PRMT9: variants seen among roughly 807,000 people sequenced by gnomAD.
The protein encoded by PRMT9 is protein arginine methyltransferase 9, also known as protein arginine N-methyltransferase 9.
A neutral mutation model predicts 83.2 loss-of-function variants in PRMT9; 59 were observed. That is an observed-to-expected ratio of 0.71 (90% CI 0.57 to 0.88). The LOEUF (loss-of-function observed/expected upper bound fraction) is 0.88. Ranked by LOEUF, PRMT9 falls within the 40% of genes least tolerant of loss-of-function variation. The pLI, the probability that PRMT9 is intolerant of heterozygous loss-of-function variation, is 0.00. For missense variants in PRMT9, 947 were observed against 1,021.9 expected (o/e 0.93, Z 1.00); for synonymous variants, 333 against 353.2 (o/e 0.94, Z 0.64).
chr4:147,683,810 G>T lies in PRMT9; in HGVS notation c.178C>A (p.His60Asn), dbSNP rs768340656. The T allele has an allele frequency of 6.3e-7, 1 of 1,593,806 alleles. No individual in the cohort carries two copies. Among genetic ancestry groups the T allele is most frequent in the Non-Finnish European group, 8.5e-7 (1 of 1,170,166 alleles). The change falls in exon 1 of 12, where the codon CAC becomes AAC. Residue 60 changes from histidine to asparagine, a missense_variant. By Grantham distance (68) the His-to-Asn change is moderately conservative. Coordinates refer to ENST00000322396, the MANE Select transcript of PRMT9 (RefSeq NM_138364.4). ...AAAAGGACCCTCACCTTCACGTCGT[G>T]TTTCAGCTCCGGCGCCAGGCTGAGC... The part of the protein sequence containing the change: ...LVLSLAPELK[H>N]DVKETFQYTL...
In PRMT9 at chr4:147,684,009, C is replaced by T. The variant is rs747241873; in HGVS notation, c.-22G>A. 8 of 1,609,952 alleles carry T rather than the reference C, an allele frequency of 5.0e-6. No individual in the cohort carries two copies. In the Admixed American group the frequency reaches 1.3e-4, roughly 27 times the overall value. On this transcript the variant is annotated 5_prime_UTR_variant, in exon 1 of 12. Transcript: ENST00000322396. ...ACATGGCAGTCACCACTTGTATGGC[C>T]AAAGGGAAGATATTTTGTAAACGTA...
At chr4:147,653,386 G>A (rs1363244117) in intron 9 of PRMT9, among the ~76,000 whole-genome samples, 3 of 151,736 alleles carry the variant, frequency 2.0e-5, no homozygotes, top group Admixed American at 2.0e-4. Context: ...AGGTTGCAGT[G>A]AGCCGAGATT....
chr4:147,658,901 C>T (rs1348394950), intron 7 of PRMT9, among the ~76,000 whole-genome samples: 1 of 151,998 alleles, frequency 6.6e-6, no homozygotes, highest in Non-Finnish European at 1.5e-5. Flanking sequence ...AGTTTGGGGC[C>T]GGGCACGGTT....
chr4:147,673,788 T>TA lies in PRMT9; in HGVS notation c.424dup (p.Tyr142LeufsTer17), dbSNP rs1735893360. The TA allele has an allele frequency of 6.2e-7, 1 of 1,614,054 alleles. No individual in the cohort carries two copies. Among genetic ancestry groups the TA allele is most frequent in the Non-Finnish European group, 8.5e-7 (1 of 1,180,014 alleles). On this transcript the variant is annotated frameshift_variant, in exon 3 of 12. Transcript: ENST00000322396. LOFTEE classifies it high-confidence loss of function. ...TTCCACCAACCAGTTTGCAACACGA[T>TA]AAAAATTCTCCTTTGCATCACTGAA...
intron 2 of PRMT9, 101 bp downstream of exon 2, chr4:147,680,222 C>T: frequency 9.4e-7 from 1 of 1,060,096 alleles, no homozygotes; most frequent in Non-Finnish European, 1.5e-6. Flanking sequence ...CTTAATAATT[C>T]TCCATATTAA....
rs1200138940 is a variant in PRMT9 at position 147,638,090 on chromosome 4, C to T, written c.*442G>A. 5.2e-6 allele frequency: 1 copy of T among 192,472 alleles called. No homozygotes were observed. The highest frequency in any genetic ancestry group is 1.1e-5 in the Non-Finnish European group (1 of 93,238). 11.9% of individuals were successfully genotyped at this position (192,472 alleles called of 1,614,324 possible). The stretch of plus-strand genomic sequence containing the variant: ...AAACCTGAGATGTTTCAGATGTACA[C>T]TGAGTATTTAAAGGAAGCAAGATTG... On this transcript the variant is annotated 3_prime_UTR_variant, in exon 12 of 12. Coordinates refer to ENST00000322396, the MANE Select transcript of PRMT9 (RefSeq NM_138364.4).
At chr4:147,664,265 G>T (rs1735168257) in intron 6 of PRMT9, among the ~76,000 whole-genome samples, 1 of 152,190 alleles carries the variant, frequency 6.6e-6, no homozygotes, top group Admixed American at 6.5e-5. Flanking sequence ...CCATGATTGA[G>T]CCACTGTGCT....
rs780864233 is a variant in PRMT9 at position 147,639,055 on chromosome 4, A to C, written c.2227T>G (p.Ser743Ala). Residue 743 changes from serine (S) to alanine (A), a missense_variant, in exon 11 of 12, where the codon TCC becomes GCC. Physicochemically the swap from Ser to Ala is moderately conservative, Grantham distance 99 (BLOSUM62 1). Coordinates refer to ENST00000322396, the MANE Select transcript of PRMT9 (RefSeq NM_138364.4). ...QVPIRVFLDL[S>A]SLPCIPLSKP... ...CTTAAAGGTATACAGGGCAATGAGG[A>C]TAGGTCCAAAAATACACGTATAGGT... 5 of 1,613,468 alleles carry C rather than the reference A, an allele frequency of 3.1e-6. No individual in the cohort carries two copies. Among genetic ancestry groups the C allele is most frequent in the Non-Finnish European group, 4.2e-6 (5 of 1,179,502 alleles).
rs756018644 is a variant in PRMT9 at position 147,660,934 on chromosome 4, G to T, written c.1058C>A (p.Thr353Lys). Residue 353 changes from threonine (T) to lysine (K), a missense_variant, in exon 7 of 12, where the codon ACA becomes AAA. By Grantham distance (78) the Thr-to-Lys change is moderately conservative (BLOSUM62 -1). Coordinates refer to ENST00000322396, the MANE Select transcript of PRMT9 (RefSeq NM_138364.4). The part of the protein sequence containing the change: ...VDTEETIEPY[T>K]TEKMSRVPGG... ...AGGAACTCGACTCATCTTTTCAGTT[G>T]TATAAGGTTCAATTGTTTCTTCAGT... is the stretch of plus-strand genomic sequence containing the variant. 67 of 1,612,760 alleles carry T rather than the reference G, an allele frequency of 4.2e-5. 1 individual carries two copies. The South Asian group carries it at 6.6e-4, about 16-fold the overall frequency.
intron 10 of PRMT9, among the ~76,000 whole-genome samples, chr4:147,639,610 A>G (rs1311763206): frequency 6.6e-6 from 1 of 152,164 alleles, no homozygotes; most frequent in African/African-American, 2.4e-5. Flanking sequence ...TTCAGGCCAC[A>G]CCCCAAACCA....
chr4:147,669,325 A>T (rs1735580218), intron 5 of PRMT9, among the ~76,000 whole-genome samples: 1 of 152,130 alleles, frequency 6.6e-6, no homozygotes, highest in Admixed American at 6.6e-5. Context: ...GCAGTAAGCT[A>T]AAAAACGTGC....
intron 1 of PRMT9, 44 bp downstream of exon 1, chr4:147,683,755 G>A (rs749889551): frequency 1.6e-5 from 14 of 850,918 alleles, no homozygotes; most frequent in Non-Finnish European, 2.3e-5. Flanking sequence ...TTTTTTTTAC[G>A]AGGACGTTGG....
intron 7 of PRMT9, among the ~76,000 whole-genome samples, chr4:147,660,636 AAAAG>A (rs569421367): frequency 1.3e-5 from 2 of 152,292 alleles, no homozygotes; most frequent in East Asian, 3.9e-4. Flanking sequence ...TCAAAGAAAG[AAAAG>A]AAAGAAAGGA....
Position 147,683,934 on chromosome 4 carries a change from T to G in PRMT9, c.54A>C (p.Ala18=). 3 of 1,612,912 alleles carry G rather than the reference T, an allele frequency of 1.9e-6. No individual in the cohort carries two copies. Among genetic ancestry groups the G allele is most frequent in the South Asian group, 2.2e-5 (2 of 91,058 alleles). Residue 18 remains alanine, a synonymous_variant, in exon 1 of 12, where the codon GCA becomes GCC. Transcript: ENST00000322396. The part of the protein sequence containing the change: ...SRRDAGGGAG[A]AGRDELVSRS... Reference sequence around the variant, plus strand: ...GCGACACCAGCTCGTCCCGGCCGGCTGCCCCAGCGCCACCCCCGGCGTCTC... The same window carrying G: ...GCGACACCAGCTCGTCCCGGCCGGCGGCCCCAGCGCCACCCCCGGCGTCTC...
intron 10 of PRMT9, 105 bp downstream of exon 10, chr4:147,642,682 T>C: frequency 1.0e-6 from 1 of 1,001,642 alleles, no homozygotes; most frequent in Non-Finnish European, 1.6e-6. Flanking sequence ...TTAATCCAGC[T>C]AAACTTTAGT....
At chr4:147,663,402 G>A (rs537343301) in intron 6 of PRMT9, among the ~76,000 whole-genome samples, 21 of 152,140 alleles carry the variant, frequency 1.4e-4, no homozygotes, top group African/African-American at 2.7e-4. Context: ...TCATGCTGTC[G>A]CCCAGGCTGG....
In PRMT9 at chr4:147,683,960, G is replaced by C. The variant is rs775350594; in HGVS notation, c.28C>G (p.Arg10Gly). The C allele has an allele frequency of 6.8e-6, 11 of 1,612,772 alleles. No homozygotes were observed. The highest frequency in any genetic ancestry group is 4.4e-5 in the South Asian group (4 of 91,082). Residue 10 changes from arginine to glycine, a missense_variant, in exon 1 of 12, where the codon CGA becomes GGA. Coordinates refer to ENST00000322396, the MANE Select transcript of PRMT9 (RefSeq NM_138364.4). The stretch of plus-strand genomic sequence containing the variant: ...GCCCCAGCGCCACCCCCGGCGTCTC[G>C]GCGGGACCTGGGCCGCGAGTTCGAC... MSNSRPRSR[R>G]DAGGGAGAAG...
chr4:147,646,881 A>G (rs1733766051), intron 9 of PRMT9, among the ~76,000 whole-genome samples: 1 of 152,174 alleles, frequency 6.6e-6, no homozygotes, highest in African/African-American at 2.4e-5. Flanking sequence ...TGCAAAAATT[A>G]TGGCAGTGCA....
intron 3 of PRMT9, 49 bp downstream of exon 3, chr4:147,673,589 T>A: frequency 8.5e-7 from 1 of 1,171,078 alleles, no homozygotes. Flanking sequence ...AAATCTTTAA[T>A]TTACATTAGA....
Sources: gnomAD v4.1 joint callset for allele counts (sites outside exome capture counted in the v4.1 genomes callset) on GRCh38, gnomAD v4.1.1 for gene constraint, MANE v1.5 for transcripts, NCBI Gene and HGNC (gene_info 2026-07-23, HGNC 2026-07-21) for gene names.